The following PTPRQ variants were observed in gnomAD, a reference collection of about 807,000 sequenced individuals.
PTPRQ encodes phosphatidylinositol phosphatase PTPRQ.
A neutral mutation model predicts 246.0 loss-of-function variants in PTPRQ; 199 were observed. The ratio of observed to expected loss-of-function variants is 0.81; its 90% CI spans 0.72 to 0.91. The LOEUF (loss-of-function observed/expected upper bound fraction) is 0.91. PTPRQ is among the 40% of genes least tolerant of loss of function. The pLI is 0.00. For missense variants in PTPRQ, 2,624 were observed against 2,528.4 expected, an observed-to-expected ratio of 1.04 and a Z score of -0.81; for synonymous variants, 869 against 853.2, an observed-to-expected ratio of 1.02 and a Z score of -0.32.
chr12:80,653,238 A>G (rs1033276493), intron 38 of PTPRQ, among the ~76,000 whole-genome samples: 10 of 152,188 alleles, frequency 6.6e-5, no homozygotes, highest in Non-Finnish European at 1.5e-4. Flanking sequence ...AAAAAAATGC[A>G]TTGTAAAATA....
intron 3 of PTPRQ, among the ~76,000 whole-genome samples, chr12:80,451,103 T>C (rs1040308569): frequency 6.6e-6 from 1 of 152,220 alleles, no homozygotes; most frequent in Non-Finnish European, 1.5e-5. Flanking sequence ...TGGTTTAGTC[T>C]TGGGAGGGTG....
chr12:80,613,537 AG>A, intron 28 of PTPRQ, 54 bp from the exon 29 acceptor site: 1 of 1,415,250 alleles, frequency 7.1e-7, no homozygotes, highest in East Asian at 2.5e-5. Context: ...ATTTATGTGG[AG>A]ATAAAAAGGA....
At chr12:80,586,445 G>A (rs61951074) in intron 25 of PTPRQ, among the ~76,000 whole-genome samples, 1 of 150,636 alleles carries the variant, frequency 6.6e-6, no homozygotes, top group Admixed American at 6.6e-5. Flanking sequence ...TACACTGTTG[G>A]TGGGACTGTA....
chr12:80,465,987 T>A (rs887829286), intron 6 of PTPRQ, among the ~76,000 whole-genome samples: 14 of 152,124 alleles, frequency 9.2e-5, no homozygotes, highest in Non-Finnish European at 2.1e-4. Context: ...TTCAACATAG[T>A]GTTGGAAGTT....
chr12:80,478,173 C>T (rs1017875298), intron 8 of PTPRQ, among the ~76,000 whole-genome samples: 1 of 147,384 alleles, frequency 6.8e-6, no homozygotes. Flanking sequence ...CAGCACGCAG[C>T]TGGAGATCTG....
At chr12:80,483,893 G>T (rs1448038716) in intron 8 of PTPRQ, among the ~76,000 whole-genome samples, 1 of 152,078 alleles carries the variant, frequency 6.6e-6, no homozygotes, top group Non-Finnish European at 1.5e-5. Flanking sequence ...CTTTATCCAT[G>T]TCCCTGCAAA....
intron 26 of PTPRQ, among the ~76,000 whole-genome samples, chr12:80,592,067 C>T (rs1284986156): frequency 6.6e-6 from 1 of 152,186 alleles, no homozygotes; most frequent in Admixed American, 6.5e-5. Flanking sequence ...ATTCTTTCCA[C>T]CCTATTTCCT....
intron 25 of PTPRQ, among the ~76,000 whole-genome samples, chr12:80,576,057 CT>C (rs1045850810): frequency 6.6e-6 from 1 of 151,884 alleles, no homozygotes; most frequent in Non-Finnish European, 1.5e-5. Flanking sequence ...TTTCTTTATT[CT>C]TTCTTATGGA....
At chr12:80,498,443 G>C (rs1894695123) in intron 14 of PTPRQ, among the ~76,000 whole-genome samples, 1 of 152,090 alleles carries the variant, frequency 6.6e-6, no homozygotes, top group African/African-American at 2.4e-5. Flanking sequence ...GGATAAAGTA[G>C]TGTAGAAGAA....
At chr12:80,474,757 A>G (rs1893759685) in intron 8 of PTPRQ, among the ~76,000 whole-genome samples, 1 of 152,222 alleles carries the variant, frequency 6.6e-6, no homozygotes, top group East Asian at 1.9e-4. Context: ...TAAAAAAAAT[A>G]AGCAGACTGT....
chr12:80,582,355 A>G (rs576469882), intron 25 of PTPRQ, among the ~76,000 whole-genome samples: 1 of 152,292 alleles, frequency 6.6e-6, no homozygotes, highest in South Asian at 2.1e-4. Context: ...TGTCTGTATA[A>G]CAAATAATTT....
chr12:80,490,669 C>T lies in PTPRQ; in HGVS notation c.1360-2606C>T, dbSNP rs74110910. 6.7e-3 allele frequency among the ~76,000 whole-genome samples: 1,016 copies of T among 151,922 alleles called. 12 individuals carry two copies. The highest frequency in any genetic ancestry group is 0.023 in the African/African-American group (962 of 41,504). On this transcript the variant is annotated intron_variant, in intron 9 of 44. Coordinates refer to ENST00000644991, the MANE Select transcript of PTPRQ (RefSeq NM_001145026.2). Reference sequence around the variant, plus strand: ...ATCCTACAATGTACAGGACAGCCTCCGCAACAGAAAAATATCTAATTCAGA... The same window carrying T: ...ATCCTACAATGTACAGGACAGCCTCTGCAACAGAAAAATATCTAATTCAGA...
intron 33 of PTPRQ, among the ~76,000 whole-genome samples, chr12:80,631,587 T>G (rs564165919): frequency 6.6e-6 from 1 of 152,312 alleles, no homozygotes; most frequent in South Asian, 2.1e-4. Flanking sequence ...TTTGTTTAGT[T>G]CCTTCCTCCC....
chr12:80,603,213 C>G (rs1292639235), intron 26 of PTPRQ, among the ~76,000 whole-genome samples: 1 of 151,638 alleles, frequency 6.6e-6, no homozygotes, highest in Non-Finnish European at 1.5e-5. Context: ...CTATCTATCC[C>G]TTCTGTCACT....
At chr12:80,583,520 A>T (rs1197169214) in intron 25 of PTPRQ, among the ~76,000 whole-genome samples, 1 of 152,188 alleles carries the variant, frequency 6.6e-6, no homozygotes, top group African/African-American at 2.4e-5. Flanking sequence ...TATACAAACT[A>T]ATAGAGCTAT....
chr12:80,671,103 CTTTTA>C (rs1335102022), intron 42 of PTPRQ, among the ~76,000 whole-genome samples: 2 of 151,934 alleles, frequency 1.3e-5, no homozygotes, highest in Middle Eastern at 3.4e-3. Flanking sequence ...AGTTTTTAAA[CTTTTA>C]TTTTAAAAAA....
intron 33 of PTPRQ, among the ~76,000 whole-genome samples, chr12:80,629,107 T>C (rs930066040): frequency 6.9e-6 from 1 of 144,308 alleles, no homozygotes; most frequent in African/African-American, 2.6e-5. Flanking sequence ...TGGATGGAGA[T>C]AGAGAAAATA....
chr12:80,448,126 A>G (rs1302055231), intron 3 of PTPRQ, among the ~76,000 whole-genome samples: 1 of 151,880 alleles, frequency 6.6e-6, no homozygotes, highest in Non-Finnish European at 1.5e-5. Context: ...ATGTATTCCT[A>G]GATATTTTAT....
chr12:80,479,401 G>A (rs1476772919), intron 8 of PTPRQ, among the ~76,000 whole-genome samples: 2 of 151,808 alleles, frequency 1.3e-5, no homozygotes, highest in African/African-American at 4.8e-5. Context: ...AGGAACAACT[G>A]GTACCAGCCA....
Sources: gnomAD v4.1 joint callset for allele counts (sites outside exome capture counted in the v4.1 genomes callset) on GRCh38, gnomAD v4.1.1 for gene constraint, MANE v1.5 for transcripts, NCBI Gene and HGNC (gene_info 2026-07-23, HGNC 2026-07-21) for gene names.